Variants in GSE1 observed in about 807,000 individuals in gnomAD.
GSE1 encodes the protein Gse1 coiled-coil protein.
GSE1 carries 32 observed loss-of-function variants against 112.6 expected under a neutral mutation model. The observed-to-expected ratio is 0.28, with a 90% CI of 0.21 to 0.38. The LOEUF (loss-of-function observed/expected upper bound fraction) is 0.38, where lower values mean the gene tolerates loss of function less well. Ranked by LOEUF, GSE1 falls within the 10% of genes least tolerant of loss-of-function variation. GSE1 has a pLI of 1.00. For synonymous variants in GSE1, 1,115 were observed against 735.6 expected (o/e 1.52, Z -8.35); for missense variants, 2,348 against 1,699.2 (o/e 1.38, Z -6.71).
chr16:85,567,048 C>G (rs1210204253), intron 1 of GSE1, among the ~76,000 whole-genome samples: 3 of 150,618 alleles, frequency 2.0e-5, no homozygotes, highest in Admixed American at 6.6e-5. Context: ...CCACCCCCAC[C>G]CCCACCCCCA....
intron 5 of GSE1, 29 bp from the exon 6 acceptor site, chr16:85,655,697 C>T: frequency 1.3e-6 from 2 of 1,513,186 alleles, no homozygotes; most frequent in East Asian, 2.3e-5. Flanking sequence ...GGTTCATTTG[C>T]TGCTCACAGC....
At chr16:85,480,520 G>A (rs1299275783) in intron 2 of GSE1, among the ~76,000 whole-genome samples, 2 of 152,176 alleles carry the variant, frequency 1.3e-5, no homozygotes, top group Non-Finnish European at 2.9e-5. Context: ...CTGCTGAAGG[G>A]ACACCCGTTC....
chr16:85,180,525 C>T (rs1009985469), intron 1 of GSE1, among the ~76,000 whole-genome samples: 6 of 152,250 alleles, frequency 3.9e-5, no homozygotes, highest in African/African-American at 1.4e-4. Flanking sequence ...TGATAGCATG[C>T]GCCTGGTGCC....
chr16:85,344,988 C>T (rs1320747354), intron 1 of GSE1, among the ~76,000 whole-genome samples: 1 of 152,226 alleles, frequency 6.6e-6, no homozygotes, highest in African/African-American at 2.4e-5. Flanking sequence ...AAGACTCAGC[C>T]GCCCCCTCCC....
intron 2 of GSE1, among the ~76,000 whole-genome samples, chr16:85,428,472 G>A (rs149056508): frequency 1.3e-5 from 2 of 152,360 alleles, no homozygotes; most frequent in African/African-American, 4.8e-5. Context: ...GCTGTAAAAT[G>A]GGGCGATAAT....
At chr16:85,502,114 C>T (rs146574253) in intron 2 of GSE1, among the ~76,000 whole-genome samples, 7 of 152,188 alleles carry the variant, frequency 4.6e-5, no homozygotes, top group East Asian at 1.9e-4. Context: ...TGGCTGCAGG[C>T]GCTGAGCCTG....
intron 1 of GSE1, among the ~76,000 whole-genome samples, chr16:85,576,485 C>T (rs946606305): frequency 6.6e-6 from 1 of 152,176 alleles, no homozygotes. Flanking sequence ...CTGCTAGAGG[C>T]CTGGGGTAGA....
chr16:85,206,034 AG>A (rs1171819253), intron 1 of GSE1, among the ~76,000 whole-genome samples: 1 of 152,170 alleles, frequency 6.6e-6, no homozygotes, highest in East Asian at 1.9e-4. Context: ...CCACCAGGAC[AG>A]GGGTTTGGAA....
intron 2 of GSE1, among the ~76,000 whole-genome samples, chr16:85,639,612 G>A (rs183584484): frequency 2.8e-4 from 43 of 152,360 alleles, no homozygotes; most frequent in Middle Eastern, 3.4e-3. Context: ...CCCCGGGAAC[G>A]CCTGTGCGTG....
intron 1 of GSE1, among the ~76,000 whole-genome samples, chr16:85,247,016 C>G (rs1364305464): frequency 1.3e-5 from 2 of 152,078 alleles, no homozygotes; most frequent in Non-Finnish European, 2.9e-5. Flanking sequence ...GAGGGGGGCA[C>G]CGCCTTCTTC....
At chr16:85,479,625 G>A (rs1002859952) in intron 2 of GSE1, among the ~76,000 whole-genome samples, 2 of 152,176 alleles carry the variant, frequency 1.3e-5, no homozygotes, top group African/African-American at 4.8e-5. Flanking sequence ...GTGTGTGGGC[G>A]TTATGTTTTC....
intron 1 of GSE1, among the ~76,000 whole-genome samples, chr16:85,188,785 A>C (rs1054083379): frequency 6.6e-6 from 1 of 150,734 alleles, no homozygotes; most frequent in Admixed American, 6.6e-5. Flanking sequence ...TGGGTGTTAG[A>C]GTGGGACCTT....
chr16:85,632,346 C>T (rs866592464), intron 1 of GSE1, among the ~76,000 whole-genome samples: 1 of 152,130 alleles, frequency 6.6e-6, no homozygotes, highest in Non-Finnish European at 1.5e-5. Flanking sequence ...CCTCTCTGTT[C>T]TCTCATTTGC....
chr16:85,560,131 T>C (rs900354243), intron 1 of GSE1, among the ~76,000 whole-genome samples: 31 of 136,064 alleles, frequency 2.3e-4, no homozygotes, highest in African/African-American at 3.1e-4. Context: ...TCTTCTTCTT[T>C]TTTTTTTTTT....
chr16:85,343,622 C>G (rs9972638), intron 1 of GSE1, among the ~76,000 whole-genome samples: 1,823 of 152,122 alleles, frequency 0.012, 43 homozygotes, highest in African/African-American at 0.041. Context: ...TGGTGGTGCA[C>G]GCCTGTAGAC....
At chr16:85,331,706 TA>T (rs1433881008) in intron 1 of GSE1, among the ~76,000 whole-genome samples, 804 of 23,654 alleles carry the variant, frequency 0.034, 69 homozygotes, top group African/African-American at 0.08. Context: ...TATATATATA[TA>T]TTTTTTTTTT....
intron 2 of GSE1, among the ~76,000 whole-genome samples, chr16:85,498,349 A>G (rs1434151333): frequency 6.6e-6 from 1 of 152,092 alleles, no homozygotes; most frequent in Non-Finnish European, 1.5e-5. Flanking sequence ...GGACACACAG[A>G]TACCCACACA....
At chr16:85,497,621 C>T (rs1008656090) in intron 2 of GSE1, among the ~76,000 whole-genome samples, 4 of 152,222 alleles carry the variant, frequency 2.6e-5, no homozygotes, top group Admixed American at 2.6e-4. Context: ...TATGTCTGTG[C>T]AGCAGTATGG....
chr16:85,188,431 C>G (rs982822923), intron 1 of GSE1, among the ~76,000 whole-genome samples: 1 of 152,128 alleles, frequency 6.6e-6, no homozygotes, highest in African/African-American at 2.4e-5. Context: ...TTCTGGAGAG[C>G]TGTCACCTAG....
Sources: gnomAD v4.1 joint callset for allele counts (sites outside exome capture counted in the v4.1 genomes callset) on GRCh38, gnomAD v4.1.1 for gene constraint, MANE v1.5 for transcripts, NCBI Gene and HGNC (gene_info 2026-07-23, HGNC 2026-07-21) for gene names.